Variants in CPPED1 observed in about 807,000 individuals in gnomAD.
CPPED1 encodes calcineurin like phosphoesterase domain containing 1.
A neutral mutation model predicts 28.0 loss-of-function variants in CPPED1; 28 were observed. The ratio of observed to expected loss-of-function variants is 1.00; its 90% CI spans 0.74 to 1.37. The LOEUF is 1.37. Ranked by LOEUF, CPPED1 falls within the 40% of genes most tolerant of loss-of-function variation. CPPED1 has a pLI of 0.00. For synonymous variants in CPPED1, 198 were observed against 180.2 expected, an observed-to-expected ratio of 1.10 and a Z score of -0.79; for missense variants, 504 against 416.5, an observed-to-expected ratio of 1.21 and a Z score of -1.83.
rs1441838509 is a variant in CPPED1, at chr16:12,697,383, C to CATCCCCAA, written c.715+7240_715+7241insTTGGGGAT. 7.9e-4 allele frequency among the ~76,000 whole-genome samples: 4 copies of CATCCCCAA among 5,036 alleles called. No homozygotes were observed. In the African/African-American group the frequency reaches 0.027, roughly 34 times the overall value. 3.3% of individuals were successfully genotyped at this position (5,036 alleles called of 152,430 possible). On this transcript the variant is annotated intron_variant, in intron 3 of 3. Transcript: ENST00000381774. ...ACCATGGACCCTCTTGTCTGCAATCCATCACATCCTGGTCTTCAGGGGAAC... is the reference window on the plus strand; with the variant it reads ...ACCATGGACCCTCTTGTCTGCAATCCATCCCCAAATCACATCCTGGTCTTCAGGGGAAC...
intron 2 of CPPED1, among the ~76,000 whole-genome samples, chr16:12,723,106 C>T (rs943802717): frequency 1.3e-5 from 2 of 152,154 alleles, no homozygotes; most frequent in South Asian, 2.1e-4. Flanking sequence ...ATCTAACTTC[C>T]GTATGTGCGC....
intron 2 of CPPED1, chr16:12,753,193 C>A (rs1052309413): frequency 6.6e-6 from 1 of 152,156 alleles, no homozygotes; most frequent in Non-Finnish European, 1.5e-5. Flanking sequence ...GTTTGTGTCA[C>A]TCCCAAATTC....
intron 1 of CPPED1, among the ~76,000 whole-genome samples, chr16:12,799,198 AC>A (rs2080643987): frequency 1.3e-5 from 2 of 150,562 alleles, no homozygotes; most frequent in African/African-American, 4.9e-5. Context: ...AGTTAATCAA[AC>A]CCCTTTGATG....
At chr16:12,771,957 T>C (rs569621929) in intron 2 of CPPED1, among the ~76,000 whole-genome samples, 20 of 152,208 alleles carry the variant, frequency 1.3e-4, no homozygotes, top group African/African-American at 3.4e-4. Flanking sequence ...ACCTTGTCTC[T>C]ACTAAAAATA....
chr16:12,778,519 G>A lies in CPPED1; in HGVS notation c.289+2666C>T, dbSNP rs11866888. Among the ~76,000 whole-genome samples the A allele has an allele frequency of 4.1e-3, 619 of 152,008 alleles. 5 individuals are homozygous for A. The highest frequency in any genetic ancestry group is 0.015 in the African/African-American group (602 of 41,460). On this transcript the variant is annotated intron_variant, in intron 2 of 3. Transcript: ENST00000381774. ...TTGAATTCCTGACCTCAGGTGATCC[G>A]CCCACCTTGGCGTCCCAAAGTACTG...
chr16:12,743,802 G>T (rs560890238), intron 2 of CPPED1, among the ~76,000 whole-genome samples: 4 of 152,054 alleles, frequency 2.6e-5, no homozygotes, highest in Non-Finnish European at 4.4e-5. Context: ...CCAGGAGTTT[G>T]AGAGCAGTCT....
intron 2 of CPPED1, among the ~76,000 whole-genome samples, chr16:12,745,471 C>A (rs2080281014): frequency 2.6e-5 from 4 of 152,162 alleles, no homozygotes; most frequent in Admixed American, 2.6e-4. Context: ...CCATATACAC[C>A]ATGGAACACT....
chr16:12,751,088 C>A (rs1704780496), intron 2 of CPPED1, among the ~76,000 whole-genome samples: 1 of 151,742 alleles, frequency 6.6e-6, no homozygotes, highest in African/African-American at 2.4e-5. Flanking sequence ...AAAGTACAAT[C>A]AAGAGAAGCC....
chr16:12,730,980 A>C (rs1038363739), intron 2 of CPPED1, among the ~76,000 whole-genome samples: 2 of 152,108 alleles, frequency 1.3e-5, no homozygotes, highest in Non-Finnish European at 2.9e-5. Flanking sequence ...TTGAAACTGC[A>C]TGAAGCTTGA....
intron 1 of CPPED1, among the ~76,000 whole-genome samples, chr16:12,791,394 C>G (rs1469232138): frequency 6.6e-6 from 1 of 152,126 alleles, no homozygotes. Flanking sequence ...AGGACATGAG[C>G]TCATTCTTTT....
intron 2 of CPPED1, among the ~76,000 whole-genome samples, chr16:12,738,266 T>C (rs144778950): frequency 6.6e-6 from 1 of 152,100 alleles, no homozygotes; most frequent in Non-Finnish European, 1.5e-5. Flanking sequence ...CCGCAAATAA[T>C]GTAGGAACTC....
At chr16:12,730,231 G>T (rs2080190397) in intron 2 of CPPED1, among the ~76,000 whole-genome samples, 1 of 152,070 alleles carries the variant, frequency 6.6e-6, no homozygotes, top group Non-Finnish European at 1.5e-5. Context: ...TGAACTATGA[G>T]CCTCAAGCAA....
intron 2 of CPPED1, among the ~76,000 whole-genome samples, chr16:12,767,252 G>A (rs1426425275): frequency 2.6e-5 from 4 of 152,142 alleles, no homozygotes; most frequent in East Asian, 3.9e-4. Flanking sequence ...CAGGAGTGCC[G>A]ATGTCCAGGG....
Position 12,660,462 on chromosome 16 carries a change from A to T in CPPED1, c.*4424T>A, listed in dbSNP as rs975504672. ...CTTTTCTAGATAAATGCTAGAAATC[A>T]TTATTCCAAGAAAAGAATCCTCCAC... On this transcript the variant is annotated 3_prime_UTR_variant, in exon 4 of 4. Transcript: ENST00000381774. The T allele has an allele frequency of 6.6e-6, 1 of 151,704 alleles. No individual in the cohort carries two copies. Among genetic ancestry groups the T allele is most frequent in the Non-Finnish European group, 1.5e-5 (1 of 68,004 alleles). The allele number at this position is 151,704 out of a possible 1,614,324, so 9.4% of individuals were successfully genotyped here.
intron 3 of CPPED1, among the ~76,000 whole-genome samples, chr16:12,675,175 G>A (rs1178125566): frequency 1.3e-5 from 2 of 152,214 alleles, no homozygotes; most frequent in Non-Finnish European, 2.9e-5. Flanking sequence ...TTTCCCTGAC[G>A]GGGTATTGAT....
intron 2 of CPPED1, among the ~76,000 whole-genome samples, chr16:12,775,126 T>C (rs1421337805): frequency 6.6e-6 from 1 of 152,016 alleles, no homozygotes; most frequent in African/African-American, 2.4e-5. Flanking sequence ...GGCTGGTGGC[T>C]TTTTAAGAAG....
chr16:12,752,053 A>G (rs2080333102), intron 2 of CPPED1, among the ~76,000 whole-genome samples: 1 of 152,158 alleles, frequency 6.6e-6, no homozygotes, highest in South Asian at 2.1e-4. Flanking sequence ...AGCATTTCCC[A>G]CTCTATCCCA....
At chr16:12,694,703 C>G (rs2079980084) in intron 3 of CPPED1, among the ~76,000 whole-genome samples, 1 of 114,116 alleles carries the variant, frequency 8.8e-6, no homozygotes, top group East Asian at 2.8e-4. Context: ...CCCACAAACT[C>G]TGGATTCTAT....
intron 2 of CPPED1, among the ~76,000 whole-genome samples, chr16:12,768,701 T>C (rs536461698): frequency 1.2e-3 from 184 of 152,264 alleles, no homozygotes; most frequent in African/African-American, 4.3e-3. Flanking sequence ...ACTTCTGATA[T>C]TTAGCATTTC....
Sources: gnomAD v4.1 joint callset for allele counts (sites outside exome capture counted in the v4.1 genomes callset) on GRCh38, gnomAD v4.1.1 for gene constraint, MANE v1.5 for transcripts, NCBI Gene and HGNC (gene_info 2026-07-23, HGNC 2026-07-21) for gene names.